The following HS6ST2 variants were observed in gnomAD, a reference collection of about 807,000 sequenced individuals.
The protein encoded by HS6ST2 is heparan sulfate 6-O-sulfotransferase 2.
In HS6ST2, 17 loss-of-function variants were observed where a neutral mutation model predicts 33.0. The ratio of observed to expected loss-of-function variants is 0.52; its 90% CI spans 0.35 to 0.77. The LOEUF (loss-of-function observed/expected upper bound fraction) is 0.77, where lower values mean the gene tolerates loss of function less well. HS6ST2 is among the 30% of genes least tolerant of loss of function. The probability of loss-of-function intolerance (pLI) is 0.01; values close to 1 mark genes in which losing one functional copy is unlikely to be tolerated. For missense variants in HS6ST2, 519 were observed against 551.7 expected (o/e 0.94, Z 0.59); for synonymous variants, 248 against 237.1 (o/e 1.05, Z -0.42).
rs769956569 is a variant in HS6ST2, at chrX:132,627,593, C to T, written c.*630G>A. 1 of 112,408 alleles carries T rather than the reference C, an allele frequency of 8.9e-6. No individual in the cohort carries two copies. Among genetic ancestry groups the T allele is most frequent in the Non-Finnish European group, 1.9e-5 (1 of 53,198 alleles). 9.3% of individuals were successfully genotyped at this position (112,408 alleles called of 1,213,427 possible). A position where few individuals can be genotyped will look rare whatever the true frequency, so the allele number is the denominator to read the frequency against. ...AAAAAGTTTAAAATTTTAAACATCTCTTAAATATCAAGATATGAGTCCTGT... is the reference window on the plus strand; with the variant it reads ...AAAAAGTTTAAAATTTTAAACATCTTTTAAATATCAAGATATGAGTCCTGT... On this transcript the variant is annotated 3_prime_UTR_variant, in exon 5 of 5. Coordinates refer to ENST00000370833, the MANE Select transcript of HS6ST2 (RefSeq NM_001394073.1).
chrX:132,886,238 G>GA (rs2066250523), intron 2 of HS6ST2, among the ~76,000 whole-genome samples: 1 of 111,571 alleles, frequency 9.0e-6, no homozygotes, highest in Admixed American at 9.6e-5. Flanking sequence ...AGTAAGGACA[G>GA]AAAAATTATT....
chrX:132,798,636 ACT>A (rs754359463), intron 2 of HS6ST2, among the ~76,000 whole-genome samples: 8 of 111,428 alleles, frequency 7.2e-5, no homozygotes, highest in Non-Finnish European at 1.1e-4. Flanking sequence ...GCTCAGTAAA[ACT>A]CTACAGAATA....
At chrX:132,656,432 C>T (rs1217871255) in intron 4 of HS6ST2, among the ~76,000 whole-genome samples, 1 of 110,735 alleles carries the variant, frequency 9.0e-6, no homozygotes, top group African/African-American at 3.3e-5. Context: ...AGCAACGGGG[C>T]TTTTGTATTT....
At chrX:132,865,792 G>T (rs1456263035) in intron 2 of HS6ST2, among the ~76,000 whole-genome samples, 5 of 111,697 alleles carry the variant, frequency 4.5e-5, no homozygotes, top group African/African-American at 1.6e-4. Context: ...AGAAGTGTCT[G>T]TTCATGTCCT....
chrX:132,899,640 G>A (rs1187876288), intron 2 of HS6ST2, among the ~76,000 whole-genome samples: 4 of 111,617 alleles, frequency 3.6e-5, no homozygotes, highest in African/African-American at 1.3e-4. Context: ...GCATCAGTTA[G>A]CTATGGGAAA....
chrX:132,909,923 A>G lies in HS6ST2; in HGVS notation c.947+46885T>C, dbSNP rs2066516017. Among the ~76,000 whole-genome samples the G allele has an allele frequency of 6.3e-5, 7 of 111,087 alleles. No homozygotes were observed. In the South Asian group the frequency reaches 2.8e-3, roughly 44 times the overall value. On this transcript the variant is annotated intron_variant, in intron 2 of 4. Coordinates refer to ENST00000370833, the MANE Select transcript of HS6ST2 (RefSeq NM_001394073.1). ...AGGGAGATAGTATTTCGTGCATCAT[A>G]ATTTAACCACCACCAAGAATGATCA...
intron 2 of HS6ST2, among the ~76,000 whole-genome samples, chrX:132,747,847 C>T (rs1457058724): frequency 9.0e-6 from 1 of 111,307 alleles, no homozygotes; most frequent in African/African-American, 3.3e-5. Context: ...TCCACACTCT[C>T]CAGGTGGGAG....
chrX:132,795,576 T>C (rs779024408), intron 2 of HS6ST2, among the ~76,000 whole-genome samples: 1 of 111,720 alleles, frequency 9.0e-6, no homozygotes, highest in Non-Finnish European at 1.9e-5. Flanking sequence ...GACTTCCTAA[T>C]AGTATAGAGA....
chrX:132,823,552 T>C (rs2065481611), intron 2 of HS6ST2, among the ~76,000 whole-genome samples: 1 of 109,800 alleles, frequency 9.1e-6, no homozygotes, highest in South Asian at 4.0e-4. Context: ...CCTATGTTAC[T>C]TCACTTAGAA....
chrX:132,725,779 T>C (rs2064386480), intron 2 of HS6ST2, among the ~76,000 whole-genome samples: 1 of 111,733 alleles, frequency 8.9e-6, no homozygotes, highest in Non-Finnish European at 1.9e-5. Context: ...CATCAACAGA[T>C]GGATGGATAA....
intron 2 of HS6ST2, among the ~76,000 whole-genome samples, chrX:132,794,571 GATGATT>G (rs779668205): frequency 1.5e-3 from 152 of 98,872 alleles, no homozygotes; most frequent in African/African-American, 5.7e-3. Flanking sequence ...TGATGATGAT[GATGATT>G]ATTATTATTA....
chrX:132,656,616 G>A (rs1227700350), intron 4 of HS6ST2, among the ~76,000 whole-genome samples: 1 of 111,602 alleles, frequency 9.0e-6, no homozygotes, highest in Non-Finnish European at 1.9e-5. Context: ...GAGTCTCAAG[G>A]TCCATTATAT....
chrX:132,925,425 G>A (rs908763343), intron 2 of HS6ST2, among the ~76,000 whole-genome samples: 8 of 112,195 alleles, frequency 7.1e-5, no homozygotes, highest in Non-Finnish European at 1.1e-4. Flanking sequence ...AAGTACAGGT[G>A]ACAACCTGGG....
Position 132,752,614 on chromosome X carries a change from A to G in HS6ST2, c.948-44120T>C, listed in dbSNP as rs144962150. On this transcript the variant is annotated intron_variant, in intron 2 of 4. Transcript: ENST00000370833. ...ATGGTATGCTCTGTGAGTTAGTATC[A>G]GAATCACCTTCTCCCAGATCCCAAT... 2.1e-3 allele frequency among the ~76,000 whole-genome samples: 233 copies of G among 112,068 alleles called. 9 individuals are homozygous for G. In the East Asian group the frequency reaches 0.051, roughly 25 times the overall value.
At chrX:132,738,682 C>A (rs1423890109) in intron 2 of HS6ST2, among the ~76,000 whole-genome samples, 1 of 112,054 alleles carries the variant, frequency 8.9e-6, no homozygotes, top group African/African-American at 3.2e-5. Flanking sequence ...TTGCAGATTC[C>A]TGTGTGGAGA....
At chrX:132,771,094 A>G (rs2064894358) in intron 2 of HS6ST2, among the ~76,000 whole-genome samples, 1 of 111,524 alleles carries the variant, frequency 9.0e-6, no homozygotes, top group African/African-American at 3.3e-5. Context: ...GACTATGCCA[A>G]CAATTATAAA....
chrX:132,923,907 G>A (rs112178506), intron 2 of HS6ST2, among the ~76,000 whole-genome samples: 170 of 111,982 alleles, frequency 1.5e-3, no homozygotes, highest in Non-Finnish European at 2.9e-3. Flanking sequence ...ATCCATAGAA[G>A]TCCATAAAAT....
intron 2 of HS6ST2, among the ~76,000 whole-genome samples, chrX:132,917,872 G>T (rs2066609926): frequency 8.9e-6 from 1 of 111,951 alleles, no homozygotes; most frequent in East Asian, 2.8e-4. Context: ...AGGGACAAAT[G>T]GGGTAGCTAG....
chrX:132,812,446 AAAT>A (rs1250535782), intron 2 of HS6ST2, among the ~76,000 whole-genome samples: 7 of 77,952 alleles, frequency 9.0e-5, no homozygotes, highest in East Asian at 3.1e-4. Context: ...AATAATAATA[AAAT>A]AATAATAATA....
Sources: allele counts gnomAD v4.1 joint callset (sites outside exome capture counted in the v4.1 genomes callset), GRCh38; gene constraint gnomAD v4.1.1; transcripts MANE v1.5; gene names NCBI Gene and HGNC (gene_info 2026-07-23, HGNC 2026-07-21).